Variants in WDR27 observed in about 807,000 individuals in gnomAD.
WDR27 encodes WD repeat domain 27.
In WDR27, 100 loss-of-function variants were observed where a neutral mutation model predicts 114.4. The observed-to-expected ratio is 0.87, with a 90% CI of 0.74 to 1.03. The LOEUF is 1.03. Among genes scored for constraint, WDR27 ranks in the 50% least tolerant of loss-of-function variants. The pLI is 0.00. For synonymous variants in WDR27, 449 were observed against 423.1 expected (o/e 1.06, Z -0.75); for missense variants, 1,129 against 1,092.9 (o/e 1.03, Z -0.47).
At chr6:169,541,941 A>G (rs1415461238) in intron 25 of WDR27, among the ~76,000 whole-genome samples, 1 of 152,214 alleles carries the variant, frequency 6.6e-6, no homozygotes, top group Non-Finnish European at 1.5e-5. Context: ...TTTTATATTA[A>G]GGGAACAATT....
At chr6:169,504,099 T>C (rs1009981989) in intron 25 of WDR27, among the ~76,000 whole-genome samples, 3 of 152,212 alleles carry the variant, frequency 2.0e-5, no homozygotes, top group Non-Finnish European at 4.4e-5. Context: ...GAACAGTGTG[T>C]AGTTATGTGA....
rs41265385 is a variant in WDR27, at chr6:169,667,990, C to T, written c.652G>A (p.Gly218Ser). 0.11 allele frequency: 171,504 copies of T among 1,612,356 alleles called. 11,707 individuals are homozygous for T. The highest frequency in any genetic ancestry group is 0.28 in the East Asian group (12,682 of 44,772). ...GTLISASEDR[G>S]FKVWDHCTGS... ...CAGCGTCCATCCCTCACCTTAAAGC[C>T]TCTGTCCTCAGACGCCGAGATGAGG... The change falls in exon 5 of 26, where the codon GGC becomes AGC. Residue 218 changes from glycine to serine, a missense_variant. Transcript: ENST00000448612.
intron 1 of WDR27, among the ~76,000 whole-genome samples, chr6:169,691,021 C>A (rs1784366260): frequency 6.6e-6 from 1 of 152,172 alleles, no homozygotes; most frequent in South Asian, 2.1e-4. Context: ...CGAGACCATC[C>A]TGGCTAACAC....
chr6:169,563,946 G>A (rs1312717678), intron 25 of WDR27, among the ~76,000 whole-genome samples: 2 of 152,198 alleles, frequency 1.3e-5, no homozygotes, highest in Non-Finnish European at 2.9e-5. Context: ...AGGACTCATA[G>A]GATAGATGAT....
Position 169,564,984 on chromosome 6 carries a change from G to A in WDR27, c.2645+7435C>T, listed in dbSNP as rs574215764. On this transcript the variant is annotated intron_variant, in intron 25 of 25. Coordinates refer to ENST00000448612, the MANE Select transcript of WDR27 (RefSeq NM_182552.5). ...TGCCAGGGACCAGCACACGAGAGCC[G>A]GGGAGACCCCCACCAGGTACGCTGT... Among the ~76,000 whole-genome samples the A allele has an allele frequency of 3.9e-5, 6 of 152,290 alleles. No individual in the cohort carries two copies. In the South Asian group the frequency reaches 8.3e-4, roughly 21 times the overall value.
intron 8 of WDR27, among the ~76,000 whole-genome samples, 154 bp from the exon 9 acceptor site, chr6:169,662,578 C>T (rs1217578504): frequency 6.6e-6 from 1 of 150,966 alleles, no homozygotes; most frequent in African/African-American, 2.4e-5. Flanking sequence ...TAACACCCAG[C>T]ATGACGCGTG....
At chr6:169,628,033 T>C (rs1815297372) in intron 21 of WDR27, among the ~76,000 whole-genome samples, 1 of 151,992 alleles carries the variant, frequency 6.6e-6, no homozygotes, top group African/African-American at 2.4e-5. Context: ...TGGAAGTTGC[T>C]CTCCCCCCAG....
At chr6:169,699,603 A>C (rs1787285783) in intron 1 of WDR27, among the ~76,000 whole-genome samples, 2 of 152,170 alleles carry the variant, frequency 1.3e-5, no homozygotes, top group Admixed American at 6.5e-5. Context: ...TCCAGGAGTG[A>C]GCTATGGCAG....
intron 21 of WDR27, among the ~76,000 whole-genome samples, chr6:169,616,141 T>C (rs977505915): frequency 1.3e-5 from 2 of 152,058 alleles, no homozygotes; most frequent in African/African-American, 4.8e-5. Flanking sequence ...AGACTGAACT[T>C]AAATATCCCT....
chr6:169,455,213 G>C (rs1157668115), downstream of WDR27, among the ~76,000 whole-genome samples: 1 of 152,214 alleles, frequency 6.6e-6, no homozygotes, highest in African/African-American at 2.4e-5. Context: ...CACGGGAGCA[G>C]TATGCCTTTA....
At chr6:169,572,932 CTACT>C (rs1801690842) in intron 24 of WDR27, among the ~76,000 whole-genome samples, 1 of 152,104 alleles carries the variant, frequency 6.6e-6, no homozygotes, top group Admixed American at 6.6e-5. Context: ...CATGATATAA[CTACT>C]TATAGATAAA....
chr6:169,667,919 G>T, intron 5 of WDR27, 63 bp downstream of exon 5: 8 of 1,480,656 alleles, frequency 5.4e-6, no homozygotes, highest in South Asian at 2.6e-5. Flanking sequence ...CACAGCTCCC[G>T]TCACCACAGT....
At chr6:169,666,054 T>C (rs2128284547) in intron 6 of WDR27, among the ~76,000 whole-genome samples, 1 of 152,358 alleles carries the variant, frequency 6.6e-6, no homozygotes, top group East Asian at 1.9e-4. Context: ...TAGGATGTCA[T>C]TTCATTTAAA....
chr6:169,653,048 T>C (rs1440245440), intron 13 of WDR27, among the ~76,000 whole-genome samples: 1 of 152,238 alleles, frequency 6.6e-6, no homozygotes, highest in African/African-American at 2.4e-5. Context: ...CAGATCTCAC[T>C]TCCCAAATGC....
At chr6:169,522,976 A>T (rs1461496538) in intron 25 of WDR27, among the ~76,000 whole-genome samples, 2 of 151,964 alleles carry the variant, frequency 1.3e-5, no homozygotes, top group Non-Finnish European at 2.9e-5. Context: ...GGAAAAATAA[A>T]TGAATGAGAT....
intron 25 of WDR27, among the ~76,000 whole-genome samples, chr6:169,476,215 A>G (rs1013416524): frequency 3.9e-5 from 6 of 152,182 alleles, no homozygotes; most frequent in African/African-American, 1.4e-4. Flanking sequence ...CTGATGCACC[A>G]TAATCTAAGC....
At chr6:169,488,426 G>A (rs1789242328) in intron 25 of WDR27, among the ~76,000 whole-genome samples, 1 of 152,220 alleles carries the variant, frequency 6.6e-6, no homozygotes. Flanking sequence ...GTTGCCTCAA[G>A]TAGAATTTTA....
At chr6:169,482,595 A>G (rs752620283) in intron 25 of WDR27, among the ~76,000 whole-genome samples, 15 of 152,222 alleles carry the variant, frequency 9.9e-5, no homozygotes, top group Non-Finnish European at 1.0e-4. Context: ...GGAGACTTCA[A>G]CACCCCCACT....
At chr6:169,448,643 T>A in the WDR27 span, among the ~76,000 whole-genome samples, 8 of 152,184 alleles carry the variant, frequency 5.3e-5, no homozygotes, top group African/African-American at 1.9e-4. Flanking sequence ...GCTGTGCCCC[T>A]GGTGAGAAGA....
Sources: allele counts gnomAD v4.1 joint callset (sites outside exome capture counted in the v4.1 genomes callset), GRCh38; gene constraint gnomAD v4.1.1; transcripts MANE v1.5; gene names NCBI Gene and HGNC (gene_info 2026-07-23, HGNC 2026-07-21).